NPEPPS: variants seen among roughly 807,000 people sequenced by gnomAD.
The protein encoded by NPEPPS is puromycin-sensitive aminopeptidase.
NPEPPS carries 14 observed loss-of-function variants against 115.5 expected under a neutral mutation model. That is an observed-to-expected ratio of 0.12 (90% CI 0.08 to 0.19). The LOEUF (loss-of-function observed/expected upper bound fraction) is 0.19, where lower values mean the gene tolerates loss of function less well. NPEPPS is among the 10% of genes least tolerant of loss of function. The pLI, the probability that NPEPPS is intolerant of heterozygous loss-of-function variation, is 1.00. For synonymous variants in NPEPPS, 285 were observed against 390.6 expected, an observed-to-expected ratio of 0.73 and a Z score of 3.19; for missense variants, 523 against 1,110.8, an observed-to-expected ratio of 0.47 and a Z score of 7.52.
At chr17:47,621,699 T>G in intron 22 of NPEPPS, 69 bp from the exon 23 acceptor site, 1 of 1,463,534 alleles carries the variant, frequency 6.8e-7, no homozygotes, top group Non-Finnish European at 9.3e-7. Context: ...GTGGGTATTT[T>G]TTCATAACCT....
intron 2 of NPEPPS, among the ~76,000 whole-genome samples, chr17:47,552,773 A>C (rs970648686): frequency 1.3e-5 from 2 of 152,182 alleles, no homozygotes; most frequent in African/African-American, 4.8e-5. Context: ...AACCAAGTGA[A>C]ACATTTTTCA....
chr17:47,607,181 G>A (rs1040038388), intron 17 of NPEPPS, among the ~76,000 whole-genome samples: 1 of 151,904 alleles, frequency 6.6e-6, no homozygotes, highest in East Asian at 1.9e-4. Context: ...GACAGGGCGA[G>A]ACTCCATCTC....
intron 1 of NPEPPS, among the ~76,000 whole-genome samples, chr17:47,532,735 C>A (rs1352282541): frequency 6.7e-6 from 1 of 148,520 alleles, no homozygotes; most frequent in Admixed American, 6.7e-5. Flanking sequence ...TATTCCATTA[C>A]TCTTCACTGC....
At chr17:47,620,764 C>A (rs755636335) in intron 22 of NPEPPS, among the ~76,000 whole-genome samples, 2 of 152,132 alleles carry the variant, frequency 1.3e-5, no homozygotes, top group Non-Finnish European at 2.9e-5. Context: ...AAAGGAAAAG[C>A]CCTATCATTT....
chr17:47,608,760 A>G (rs75779099), intron 17 of NPEPPS, among the ~76,000 whole-genome samples: 3,427 of 151,692 alleles, frequency 0.023, 112 homozygotes, highest in East Asian at 0.11. Flanking sequence ...GCCAGGAGAG[A>G]GGGGGGGTAT....
At chr17:47,547,870 C>A (rs576336712) in intron 2 of NPEPPS, among the ~76,000 whole-genome samples, 1 of 151,948 alleles carries the variant, frequency 6.6e-6, no homozygotes, top group Non-Finnish European at 1.5e-5. Flanking sequence ...ACTAAAAATA[C>A]AAAAAATCAG....
chr17:47,548,656 A>T (rs1909411110), intron 2 of NPEPPS, among the ~76,000 whole-genome samples: 1 of 140,734 alleles, frequency 7.1e-6, no homozygotes, highest in Non-Finnish European at 1.5e-5. Flanking sequence ...GGCTTGCTGC[A>T]ACCTCCGCCT....
chr17:47,619,533 AAC>A, intron 21 of NPEPPS: 1 of 562,648 alleles, frequency 1.8e-6, no homozygotes, highest in East Asian at 3.1e-5. Context: ...CAGCCTGGGC[AAC>A]AAGTGTGAAA....
intron 15 of NPEPPS, among the ~76,000 whole-genome samples, chr17:47,602,875 G>T (rs1439084786): frequency 6.6e-6 from 1 of 151,510 alleles, no homozygotes; most frequent in Non-Finnish European, 1.5e-5. Flanking sequence ...ATTATAATCT[G>T]GAAGATTATG....
chr17:47,537,119 G>T (rs1303358046), intron 1 of NPEPPS, among the ~76,000 whole-genome samples: 2 of 151,226 alleles, frequency 1.3e-5, no homozygotes, highest in Non-Finnish European at 2.9e-5. Context: ...GAGCACAGGA[G>T]TTTGATACCA....
chr17:47,529,508 G>C (rs943981115), upstream of NPEPPS, among the ~76,000 whole-genome samples: 1 of 149,194 alleles, frequency 6.7e-6, no homozygotes, highest in East Asian at 2.0e-4. Context: ...GGGTTCAAGC[G>C]ATTCTCCTGT....
chr17:47,541,177 T>C (rs1258855914), intron 1 of NPEPPS, among the ~76,000 whole-genome samples: 1 of 152,166 alleles, frequency 6.6e-6, no homozygotes, highest in African/African-American at 2.4e-5. Context: ...ATCTTGACAT[T>C]GGTGGATTAA....
At chr17:47,556,784 C>T (rs963488060) in intron 2 of NPEPPS, among the ~76,000 whole-genome samples, 3 of 152,214 alleles carry the variant, frequency 2.0e-5, no homozygotes, top group Non-Finnish European at 1.5e-5. Context: ...GCTGGGACTA[C>T]AGATGTAGGC....
chr17:47,582,008 T>A (rs1911909733), intron 4 of NPEPPS: 1 of 152,262 alleles, frequency 6.6e-6, no homozygotes, highest in Admixed American at 6.5e-5. Flanking sequence ...TGTTTCTTTT[T>A]ATAATACAGA....
chr17:47,604,760 T>G (rs1472978611), intron 16 of NPEPPS, among the ~76,000 whole-genome samples: 2 of 152,248 alleles, frequency 1.3e-5, no homozygotes, highest in African/African-American at 4.8e-5. Context: ...GAGAGTGAGC[T>G]GTTTGTGCAG....
intron 1 of NPEPPS, among the ~76,000 whole-genome samples, chr17:47,534,392 C>G (rs902859604): frequency 3.3e-5 from 5 of 152,098 alleles, no homozygotes; most frequent in Admixed American, 2.0e-4. Context: ...AAATTCTTAT[C>G]TGTAGAAACC....
chr17:47,586,324 A>G (rs1308302617), intron 7 of NPEPPS, 41 bp from the exon 8 acceptor site: 1 of 1,251,088 alleles, frequency 8.0e-7, no homozygotes, highest in Admixed American at 3.1e-5. Context: ...GTATATATAT[A>G]TATATATATA....
At chr17:47,596,300 GT>G in intron 12 of NPEPPS, 52 bp from the exon 13 acceptor site, 1 of 1,191,680 alleles carries the variant, frequency 8.4e-7, no homozygotes. Flanking sequence ...TTTCTTTTTT[GT>G]TTAGGAAAAT....
chr17:47,580,815 G>A (rs1002998867), intron 4 of NPEPPS: 1 of 149,954 alleles, frequency 6.7e-6, no homozygotes, highest in African/African-American at 2.5e-5. Flanking sequence ...TCTGGCCTCC[G>A]TATAGATAAG....
Sources: allele counts gnomAD v4.1 joint callset (sites outside exome capture counted in the v4.1 genomes callset), GRCh38; gene constraint gnomAD v4.1.1; transcripts MANE v1.5; gene names NCBI Gene and HGNC (gene_info 2026-07-23, HGNC 2026-07-21).